Variants in CNTN3 observed in about 807,000 individuals in gnomAD.
The protein encoded by CNTN3 is contactin-3.
CNTN3 carries 60 observed loss-of-function variants against 119.1 expected under a neutral mutation model. The ratio of observed to expected loss-of-function variants is 0.50; its 90% CI spans 0.41 to 0.62. The LOEUF is 0.62. Among genes scored for constraint, CNTN3 ranks in the 20% least tolerant of loss-of-function variants. CNTN3 has a pLI of 0.00. For missense variants in CNTN3, 1,101 were observed against 1,242.4 expected, an observed-to-expected ratio of 0.89 and a Z score of 1.71; for synonymous variants, 450 against 438.7, an observed-to-expected ratio of 1.03 and a Z score of -0.32.
intron 4 of CNTN3, among the ~76,000 whole-genome samples, chr3:74,465,711 A>G (rs1029715449): frequency 2.0e-5 from 3 of 152,114 alleles, no homozygotes; most frequent in Admixed American, 6.6e-5. Flanking sequence ...TACTTTCAGA[A>G]CCCTCCATTG....
intron 1 of CNTN3, among the ~76,000 whole-genome samples, chr3:74,551,831 T>C (rs1703996622): frequency 1.5e-5 from 2 of 137,518 alleles, no homozygotes; most frequent in African/African-American, 5.5e-5. Context: ...TGGCGCGATC[T>C]CGGTGCACTG....
At chr3:74,437,404 G>A (rs536970772) in intron 4 of CNTN3, among the ~76,000 whole-genome samples, 161 of 152,206 alleles carry the variant, frequency 1.1e-3, no homozygotes, top group Non-Finnish European at 1.9e-3. Flanking sequence ...AGAGCTTGCA[G>A]TGAGCCGAGA....
intron 5 of CNTN3, among the ~76,000 whole-genome samples, chr3:74,374,533 T>A (rs1315761284): frequency 6.6e-6 from 1 of 151,960 alleles, no homozygotes; most frequent in Non-Finnish European, 1.5e-5. Context: ...CTCATGTCAC[T>A]CCCATTCTTT....
At chr3:74,558,996 A>ATAATAATAG (rs1284462893) in intron 1 of CNTN3, among the ~76,000 whole-genome samples, 1 of 150,046 alleles carries the variant, frequency 6.7e-6, no homozygotes, top group Non-Finnish European at 1.5e-5. Flanking sequence ...AATAATAATA[A>ATAATAATAG]TAATAATAAT....
At chr3:74,298,876 A>C (rs1053296931) in intron 17 of CNTN3, among the ~76,000 whole-genome samples, 2 of 141,598 alleles carry the variant, frequency 1.4e-5, no homozygotes, top group African/African-American at 5.5e-5. Flanking sequence ...TGACAGAGAG[A>C]GACTCCATCA....
At chr3:74,583,267 T>C (rs528061702) in intron 1 of CNTN3, among the ~76,000 whole-genome samples, 36 of 151,930 alleles carry the variant, frequency 2.4e-4, no homozygotes, top group African/African-American at 8.2e-4. Flanking sequence ...ACAAGCTAAG[T>C]AAACATAAGT....
At chr3:74,597,633 A>G (rs993828178) in intron 1 of CNTN3, among the ~76,000 whole-genome samples, 3 of 152,040 alleles carry the variant, frequency 2.0e-5, no homozygotes, top group Non-Finnish European at 4.4e-5. Flanking sequence ...TTTTTCAGGG[A>G]TTTGTACTTT....
chr3:74,403,804 A>G (rs1348668533), intron 5 of CNTN3, among the ~76,000 whole-genome samples: 4 of 151,984 alleles, frequency 2.6e-5, no homozygotes, highest in East Asian at 3.9e-4. Flanking sequence ...AAAATAGAAA[A>G]GTTTAATTCT....
Position 74,436,419 on chromosome 3 carries a change from C to T in CNTN3, c.359-11479G>A, listed in dbSNP as rs546672484. Among the ~76,000 whole-genome samples, 7 of 152,270 alleles carry T rather than the reference C, an allele frequency of 4.6e-5. No individual in the cohort carries two copies. In the East Asian group the frequency reaches 5.8e-4, roughly 13 times the overall value. ...ACAGATGGCCTCAATCTAAGCAGTACGATCCACTCCCTCCATGGCACTCTC... is the reference window on the plus strand; with the variant it reads ...ACAGATGGCCTCAATCTAAGCAGTATGATCCACTCCCTCCATGGCACTCTC... On this transcript the variant is annotated intron_variant, in intron 4 of 22. Transcript: ENST00000263665.
At chr3:74,361,003 T>C (rs1379142811) in intron 11 of CNTN3, among the ~76,000 whole-genome samples, 1 of 152,162 alleles carries the variant, frequency 6.6e-6, no homozygotes, top group Admixed American at 6.5e-5. Context: ...CCTTTTGCCA[T>C]GTAATATAAC....
intron 19 of CNTN3, among the ~76,000 whole-genome samples, chr3:74,286,542 T>C (rs1702118923): frequency 6.6e-6 from 1 of 152,046 alleles, no homozygotes; most frequent in African/African-American, 2.4e-5. Flanking sequence ...AGAGCCTGTA[T>C]AGAGAAATAA....
chr3:74,553,944 G>T (rs561867045), intron 1 of CNTN3, among the ~76,000 whole-genome samples: 5 of 152,186 alleles, frequency 3.3e-5, no homozygotes, highest in African/African-American at 9.6e-5. Flanking sequence ...TGTCAATTTT[G>T]GCTTTTGTTG....
intron 4 of CNTN3, among the ~76,000 whole-genome samples, chr3:74,453,353 G>C (rs887125110): frequency 6.6e-6 from 1 of 151,908 alleles, no homozygotes; most frequent in Non-Finnish European, 1.5e-5. Flanking sequence ...CTGTGGGATC[G>C]GTGGTGATAT....
chr3:74,472,533 G>A (rs1424695054), intron 4 of CNTN3, among the ~76,000 whole-genome samples: 1 of 152,072 alleles, frequency 6.6e-6, no homozygotes, highest in Non-Finnish European at 1.5e-5. Context: ...GATTCAAAAG[G>A]CAAATAACAA....
rs573450808 is a variant in CNTN3, at chr3:74,607,186, G to A, written c.-81+7205C>T. Among the ~76,000 whole-genome samples, 327 of 151,368 alleles carry A rather than the reference G, an allele frequency of 2.2e-3. 1 individual carries two copies. The highest frequency in any genetic ancestry group is 7.1e-3 in the East Asian group (36 of 5,050). On this transcript the variant is annotated intron_variant, in intron 1 of 22. Transcript: ENST00000263665. ...GAGGGAGGTGCAGTCACACACAGCC[G>A]ACTTTGGTACAAATATGCCTTATCT...
At chr3:74,395,378 TAC>T (rs35050785) in intron 5 of CNTN3, among the ~76,000 whole-genome samples, 7 of 150,280 alleles carry the variant, frequency 4.7e-5, no homozygotes, top group South Asian at 4.2e-4. Context: ...CACACACACA[TAC>T]ACACACACAC....
chr3:74,496,301 A>G (rs983393585), intron 3 of CNTN3, among the ~76,000 whole-genome samples: 2 of 152,148 alleles, frequency 1.3e-5, no homozygotes, highest in Non-Finnish European at 2.9e-5. Flanking sequence ...CAAAATGAAA[A>G]TATCTAAATT....
chr3:74,575,396 C>T (rs1473162361), intron 1 of CNTN3, among the ~76,000 whole-genome samples: 5 of 151,824 alleles, frequency 3.3e-5, no homozygotes, highest in Admixed American at 6.6e-5. Flanking sequence ...GGATTACAGA[C>T]GGGTGCCATC....
At chr3:74,400,125 T>C (rs748297806) in intron 5 of CNTN3, among the ~76,000 whole-genome samples, 1 of 152,162 alleles carries the variant, frequency 6.6e-6, no homozygotes, top group Non-Finnish European at 1.5e-5. Flanking sequence ...TATAAAATCA[T>C]TAAAAAATAA....
Sources: gnomAD v4.1 joint callset for allele counts (sites outside exome capture counted in the v4.1 genomes callset) on GRCh38, gnomAD v4.1.1 for gene constraint, MANE v1.5 for transcripts, NCBI Gene and HGNC (gene_info 2026-07-23, HGNC 2026-07-21) for gene names.